CD3G: variants seen among roughly 807,000 people sequenced by gnomAD.
CD3G encodes T-cell surface glycoprotein CD3 gamma chain.
A neutral mutation model predicts 28.3 loss-of-function variants in CD3G; 24 were observed. The observed-to-expected ratio is 0.85, with a 90% CI of 0.61 to 1.19. The LOEUF is 1.19. Ranked by LOEUF, CD3G falls within the 50% of genes most tolerant of loss-of-function variation. CD3G has a pLI of 0.00. For synonymous variants in CD3G, 71 were observed against 75.9 expected (o/e 0.93, Z 0.34); for missense variants, 211 against 210.0 (o/e 1.00, Z -0.03).
At chr11:118,351,119 C>T (rs1278398006) in intron 4 of CD3G, among the ~76,000 whole-genome samples, 1 of 137,670 alleles carries the variant, frequency 7.3e-6, no homozygotes, top group African/African-American at 2.7e-5. Flanking sequence ...ACCCGGGAGG[C>T]GGAGCTTGCG....
chr11:118,344,871 A>G (rs1948341364), intron 1 of CD3G, among the ~76,000 whole-genome samples: 1 of 152,272 alleles, frequency 6.6e-6, no homozygotes, highest in Admixed American at 6.5e-5. Context: ...GCAGTTGGCC[A>G]ATTGGTCAAC....
Position 118,354,304 on chromosome 11 carries a change from C to CTTTTTTT in CD3G, c.*1214_*1220dup, listed in dbSNP as rs71041832. The CTTTTTTT allele has an allele frequency of 2.4e-5, 3 of 124,088 alleles. No individual in the cohort carries two copies. The highest frequency in any genetic ancestry group is 8.5e-5 in the Admixed American group (1 of 11,754). 7.7% of individuals were successfully genotyped at this position (124,088 alleles called of 1,614,324 possible). On this transcript the variant is annotated 3_prime_UTR_variant, in exon 7 of 7. Transcript: ENST00000532917. ...TTTTTTCTTTTCTTTTCTTTTTTTT[C>CTTTTTTT]TTTTTTTTTTTTTTTTGAAGTGGAA...
At position 118,350,769 on chromosome 11, in the gene CD3G, G is replaced by A. The variant is rs1467934758; in HGVS notation, c.439+86G>A. ...CATTATGTACCCAATGGAAGAGACT[G>A]AGTTGGTGCTTCTTGCTAGTGTGCA... On this transcript the variant is annotated intron_variant, in intron 4 of 6. Coordinates refer to ENST00000532917, the MANE Select transcript of CD3G (RefSeq NM_000073.3). The A allele has an allele frequency of 1.9e-6, 3 of 1,605,934 alleles. No homozygotes were observed. The African/African-American group carries it at 4.0e-5, about 22-fold the overall frequency.
chr11:118,350,512 C>T, intron 3 of CD3G, 40 bp from the exon 4 acceptor site: 2 of 1,522,658 alleles, frequency 1.3e-6, no homozygotes, highest in East Asian at 2.3e-5. Flanking sequence ...GGAAAAACAA[C>T]TTTCGCAACC....
chr11:118,351,453 A>G (rs192334600), intron 4 of CD3G, among the ~76,000 whole-genome samples, 175 bp from the exon 5 acceptor site: 27 of 152,314 alleles, frequency 1.8e-4, no homozygotes, highest in African/African-American at 5.0e-4. Context: ...AAATGGACTC[A>G]TATACTAAGT....
intron 3 of CD3G, chr11:118,350,195 C>A: frequency 1.7e-6 from 1 of 589,944 alleles, no homozygotes; most frequent in Non-Finnish European, 3.0e-6. Flanking sequence ...TGGGTGGGCT[C>A]CATGGATTCA....
intron 1 of CD3G, among the ~76,000 whole-genome samples, chr11:118,345,668 G>A (rs750210080): frequency 3.7e-4 from 56 of 152,324 alleles, no homozygotes; most frequent in African/African-American, 9.1e-4. Flanking sequence ...GGAGTTGATG[G>A]TGGAAGGACA....
Position 118,355,139 on chromosome 11 carries a change from C to T in CD3G, c.*2039C>T, listed in dbSNP as rs1948439082. 1.3e-5 allele frequency: 2 copies of T among 151,644 alleles called. No homozygotes were observed. Among genetic ancestry groups the T allele is most frequent in the South Asian group, 4.1e-4 (2 of 4,826 alleles). The allele number at this position is 151,644 out of a possible 1,614,324, so 9.4% of individuals were successfully genotyped here. A position where few individuals can be genotyped will look rare whatever the true frequency, so the allele number is the denominator to read the frequency against. Reference sequence around the variant, plus strand: ...TACATAAGACTATTTGTAACAAACACAAATAAATTGAATTGTTGGGCACTT... The same window carrying T: ...TACATAAGACTATTTGTAACAAACATAAATAAATTGAATTGTTGGGCACTT... On this transcript the variant is annotated 3_prime_UTR_variant, in exon 7 of 7. Transcript: ENST00000532917.
At chr11:118,349,640 T>C in intron 2 of CD3G, 103 bp from the exon 3 acceptor site, 1 of 917,926 alleles carries the variant, frequency 1.1e-6, no homozygotes, top group Non-Finnish European at 1.8e-6. Context: ...CATGTGCACA[T>C]CAAAGTTTGA....
chr11:118,345,609 G>T (rs565346353), intron 1 of CD3G, among the ~76,000 whole-genome samples: 23 of 152,278 alleles, frequency 1.5e-4, no homozygotes, highest in African/African-American at 5.3e-4. Flanking sequence ...AGAGAAACTT[G>T]AGCACATTTC....
rs1168643162 is a variant in CD3G, at chr11:118,344,421, G to C, written c.-3G>C. On this transcript the variant is annotated 5_prime_UTR_variant, in exon 1 of 7. Coordinates refer to ENST00000532917, the MANE Select transcript of CD3G (RefSeq NM_000073.3). ...ACGCTTTTGCCGGAGGACAGAGACTGACATGGAACAGGGGAAGGGCCTGGC... is the reference window on the plus strand; with the variant it reads ...ACGCTTTTGCCGGAGGACAGAGACTCACATGGAACAGGGGAAGGGCCTGGC... 6.4e-7 allele frequency: 1 copy of C among 1,567,984 alleles called. No individual in the cohort carries two copies. Among genetic ancestry groups the C allele is most frequent in the Non-Finnish European group, 8.7e-7 (1 of 1,155,812 alleles).
Position 118,349,007 on chromosome 11 carries a change from T to C in CD3G, c.56-20T>C. The C allele has an allele frequency of 3.7e-6, 6 of 1,614,104 alleles. No homozygotes were observed. The highest frequency in any genetic ancestry group is 5.1e-6 in the Non-Finnish European group (6 of 1,179,940). ...AACTCCATGCCCAGCTAATACTCTA[T>C]CTCTCTTCTGTCTTTACAGGTACTT... is the stretch of plus-strand genomic sequence containing the variant. On this transcript the variant is annotated intron_variant, in intron 1 of 6. Coordinates refer to ENST00000532917, the MANE Select transcript of CD3G (RefSeq NM_000073.3).
intron 1 of CD3G, among the ~76,000 whole-genome samples, chr11:118,348,183 C>A (rs1229675489): frequency 6.6e-6 from 1 of 151,992 alleles, no homozygotes; most frequent in African/African-American, 2.4e-5. Context: ...AGTGTCAGAC[C>A]CTACAGGTTA....
rs1190373911 is a variant in CD3G at position 118,355,100 on chromosome 11, T to A, written c.*2000T>A. 1 of 152,034 alleles carries A rather than the reference T, an allele frequency of 6.6e-6. No individual in the cohort carries two copies. The highest frequency in any genetic ancestry group is 1.5e-5 in the Non-Finnish European group (1 of 67,978). 9.4% of individuals were successfully genotyped at this position (152,034 alleles called of 1,614,324 possible). On this transcript the variant is annotated 3_prime_UTR_variant, in exon 7 of 7. Coordinates refer to ENST00000532917, the MANE Select transcript of CD3G (RefSeq NM_000073.3). ...TTATGGTTTTAGCTCTAACAATAAA[T>A]GTGATTTTGAACATACATAAGACTA... is the stretch of plus-strand genomic sequence containing the variant.
At chr11:118,350,514 T>G in intron 3 of CD3G, 38 bp from the exon 4 acceptor site, 3 of 1,530,844 alleles carry the variant, frequency 2.0e-6, no homozygotes, top group Non-Finnish European at 2.7e-6. Flanking sequence ...AAAAACAACT[T>G]TCGCAACCTG....
chr11:118,350,219 T>C (rs1258123450), intron 3 of CD3G: 5 of 577,012 alleles, frequency 8.7e-6, no homozygotes, highest in South Asian at 4.0e-5. Flanking sequence ...AATTCAGCAC[T>C]GAGTTGAATG....
chr11:118,346,451 A>C (rs969845989), intron 1 of CD3G, among the ~76,000 whole-genome samples: 1 of 151,854 alleles, frequency 6.6e-6, no homozygotes, highest in Non-Finnish European at 1.5e-5. Context: ...AACAAAACAA[A>C]AAAAAAAGAA....
At chr11:118,344,620 G>A in intron 1 of CD3G, 142 bp downstream of exon 1, 1 of 726,810 alleles carries the variant, frequency 1.4e-6, no homozygotes, top group Non-Finnish European at 2.5e-6. Flanking sequence ...CAAAATGGAG[G>A]CTCTTAACTG....
Position 118,350,548 on chromosome 11 carries a change from A to G in CD3G, c.308-4A>G, listed in dbSNP as rs201296802. ...TGAAGGTTTGTCTCTCCTTTTCCCT[A>G]CAGTGTGTCAGAACTGCATTGAACT... On this transcript the variant is annotated splice_region_variant and splice_polypyrimidine_tract_variant and intron_variant, in intron 3 of 6. Transcript: ENST00000532917. 28 of 1,607,996 alleles carry G rather than the reference A, an allele frequency of 1.7e-5. No individual in the cohort carries two copies. The South Asian group carries it at 2.3e-4, about 13-fold the overall frequency.
Sources: allele counts gnomAD v4.1 joint callset (sites outside exome capture counted in the v4.1 genomes callset), GRCh38; gene constraint gnomAD v4.1.1; transcripts MANE v1.5; gene names NCBI Gene and HGNC (gene_info 2026-07-23, HGNC 2026-07-21).